MCU: variants seen among roughly 807,000 people sequenced by gnomAD.
MCU encodes the protein mitochondrial calcium uniporter, also known as calcium uniporter protein, mitochondrial.
In MCU, 12 loss-of-function variants were observed where a neutral mutation model predicts 45.2. That is an observed-to-expected ratio of 0.27 (90% CI 0.17 to 0.43). MCU has a LOEUF of 0.43. MCU is among the 20% of genes least tolerant of loss of function. The pLI, the probability that MCU is intolerant of heterozygous loss-of-function variation, is 1.00. For synonymous variants in MCU, 160 were observed against 165.1 expected, an observed-to-expected ratio of 0.97 and a Z score of 0.24; for missense variants, 324 against 436.7, an observed-to-expected ratio of 0.74 and a Z score of 2.30.
At chr10:72,873,544 A>G (rs1319446494) in intron 6 of MCU, among the ~76,000 whole-genome samples, 1 of 152,100 alleles carries the variant, frequency 6.6e-6, no homozygotes, top group African/African-American at 2.4e-5. Flanking sequence ...GTTTTCTCCC[A>G]GTTCTGTAGG....
Position 72,859,277 on chromosome 10 carries a change from T to C in MCU, c.321T>C (p.Ser107=). Residue 107 remains serine, a synonymous_variant, in exon 3 of 8, where the codon TCT becomes TCC. Coordinates refer to ENST00000373053, the MANE Select transcript of MCU (RefSeq NM_138357.3). The part of the protein sequence containing the change: ...CQFTLKPISD[S]VGVFLRQLQE... ...TCACACTCAAGCCTATCTCTGACTC[T>C]GTTGGTGTATTTTTACGACAACTGC... 6.2e-7 allele frequency: 1 copy of C among 1,613,996 alleles called. No individual in the cohort carries two copies. Among genetic ancestry groups the C allele is most frequent in the Non-Finnish European group, 8.5e-7 (1 of 1,179,972 alleles).
intron 1 of MCU, among the ~76,000 whole-genome samples, chr10:72,782,614 C>CGGTA (rs1051059567): frequency 6.6e-6 from 1 of 152,180 alleles, no homozygotes; most frequent in African/African-American, 2.4e-5. Flanking sequence ...TCAGGCTACC[C>CGGTA]GCCTTGGCCT....
At chr10:72,746,014 C>A (rs1375034332) in intron 1 of MCU, among the ~76,000 whole-genome samples, 1 of 152,178 alleles carries the variant, frequency 6.6e-6, no homozygotes, top group Non-Finnish European at 1.5e-5. Flanking sequence ...GGTGGAAGGG[C>A]ATCCCAGCTT....
intron 1 of MCU, among the ~76,000 whole-genome samples, chr10:72,707,492 C>G (rs1842838339): frequency 6.6e-6 from 1 of 152,180 alleles, no homozygotes; most frequent in Non-Finnish European, 1.5e-5. Context: ...GCCACTGCAC[C>G]TGACTCGCCT....
intron 1 of MCU, among the ~76,000 whole-genome samples, chr10:72,737,449 G>C (rs189369945): frequency 1.3e-5 from 2 of 152,126 alleles, no homozygotes; most frequent in African/African-American, 4.8e-5. Flanking sequence ...TGTAAAGAGA[G>C]GGGGTAAGGG....
At chr10:72,750,118 C>T (rs755474215) in intron 1 of MCU, among the ~76,000 whole-genome samples, 1 of 151,946 alleles carries the variant, frequency 6.6e-6, no homozygotes, top group African/African-American at 2.4e-5. Context: ...TCCTGGTAGG[C>T]TGTAGGAAGT....
chr10:72,832,607 G>GA (rs932005523), intron 1 of MCU, among the ~76,000 whole-genome samples: 9 of 152,032 alleles, frequency 5.9e-5, no homozygotes, highest in African/African-American at 1.7e-4. Context: ...AGATTCTTTG[G>GA]AAAAAATCAA....
At chr10:72,713,947 TTGTGTGTGTGTGTGTG>T (rs72292523) in intron 1 of MCU, among the ~76,000 whole-genome samples, 162 of 139,106 alleles carry the variant, frequency 1.2e-3, no homozygotes, top group Non-Finnish European at 1.2e-3. Context: ...CTTTCATCAT[TTGTGTGTGTGTGTGTG>T]TGTGTGTGTG....
At chr10:72,868,574 T>A in intron 4 of MCU, 129 bp from the exon 5 acceptor site, 5 of 705,964 alleles carry the variant, frequency 7.1e-6, no homozygotes, top group Non-Finnish European at 9.1e-6. Flanking sequence ...AAAAGAGAGC[T>A]ATTACTTTCC....
At chr10:72,764,923 C>G (rs1234875969) in intron 1 of MCU, among the ~76,000 whole-genome samples, 1 of 151,924 alleles carries the variant, frequency 6.6e-6, no homozygotes, top group African/African-American at 2.4e-5. Context: ...AAACATACGA[C>G]TTATATTGAT....
rs545162367 is a variant in MCU at position 72,775,039 on chromosome 10, A to G, written c.151-59320A>G. On this transcript the variant is annotated intron_variant, in intron 1 of 7. Transcript: ENST00000373053. The stretch of plus-strand genomic sequence containing the variant: ...ACATCTGAGTTAAACTACACACTAG[A>G]TCTAATAGACTTGATATTTACAGAA... Among the ~76,000 whole-genome samples the G allele has an allele frequency of 3.9e-5, 6 of 152,278 alleles. No homozygotes were observed. In the East Asian group the frequency reaches 7.7e-4, roughly 20 times the overall value.
chr10:72,707,895 A>C lies in MCU; in HGVS notation c.150+15594A>C, dbSNP rs1230523608. Among the ~76,000 whole-genome samples, 4 of 151,758 alleles carry C rather than the reference A, an allele frequency of 2.6e-5. No homozygotes were observed. In the South Asian group the frequency reaches 8.3e-4, roughly 32 times the overall value. ...CACTATGTTGTCCAGACTGGTCTTG[A>C]ACTCCTGGGCTAAAGTGATCCTCCT... On this transcript the variant is annotated intron_variant, in intron 1 of 7. Coordinates refer to ENST00000373053, the MANE Select transcript of MCU (RefSeq NM_138357.3).
chr10:72,726,608 A>G (rs1441388015), intron 1 of MCU, among the ~76,000 whole-genome samples: 2 of 152,188 alleles, frequency 1.3e-5, no homozygotes, highest in Non-Finnish European at 2.9e-5. Flanking sequence ...GGTTCAAAGT[A>G]TATGTACATA....
chr10:72,700,769 C>A (rs1321186498), intron 1 of MCU, among the ~76,000 whole-genome samples: 1 of 152,162 alleles, frequency 6.6e-6, no homozygotes, highest in Non-Finnish European at 1.5e-5. Flanking sequence ...TCCAAAGGTT[C>A]TTTAATGATG....
At chr10:72,702,715 G>C (rs905716925) in intron 1 of MCU, among the ~76,000 whole-genome samples, 2 of 152,178 alleles carry the variant, frequency 1.3e-5, no homozygotes, top group Admixed American at 6.5e-5. Context: ...CAGTGGCTAC[G>C]CCTGTAATCC....
At chr10:72,692,861 T>G in intron 1 of MCU, 2 of 1,435,214 alleles carry the variant, frequency 1.4e-6, no homozygotes, top group Non-Finnish European at 1.8e-6. Context: ...AAATCAAACT[T>G]TATTCCCCTC....
chr10:72,772,429 G>A (rs921297860), intron 1 of MCU, among the ~76,000 whole-genome samples: 1 of 152,250 alleles, frequency 6.6e-6, no homozygotes. Context: ...GGGTGCAGTG[G>A]CTCACGCCTG....
At chr10:72,698,792 A>G (rs1016087656) in intron 1 of MCU, among the ~76,000 whole-genome samples, 2 of 151,950 alleles carry the variant, frequency 1.3e-5, no homozygotes, top group African/African-American at 4.8e-5. Flanking sequence ...GGCGTGAGCC[A>G]CCATGCTCAG....
chr10:72,707,237 C>T (rs1450706260), intron 1 of MCU, among the ~76,000 whole-genome samples: 3 of 140,308 alleles, frequency 2.1e-5, no homozygotes, highest in Non-Finnish European at 4.6e-5. Flanking sequence ...CTTGCTATGT[C>T]ACCCATGCTG....
Sources: gnomAD v4.1 joint callset for allele counts (sites outside exome capture counted in the v4.1 genomes callset) on GRCh38, gnomAD v4.1.1 for gene constraint, MANE v1.5 for transcripts, NCBI Gene and HGNC (gene_info 2026-07-23, HGNC 2026-07-21) for gene names.